HNF4G: variants seen among roughly 807,000 people sequenced by gnomAD.
HNF4G encodes the protein hepatocyte nuclear factor 4-gamma.
Under a neutral mutation model 50.9 loss-of-function variants are expected in HNF4G, and 21 were observed. The ratio of observed to expected loss-of-function variants is 0.41; its 90% CI spans 0.29 to 0.59. The LOEUF (loss-of-function observed/expected upper bound fraction) is 0.59, where lower values mean the gene tolerates loss of function less well. Ranked by LOEUF, HNF4G falls within the 20% of genes least tolerant of loss-of-function variation. HNF4G has a pLI of 0.26. For synonymous variants in HNF4G, 198 were observed against 185.6 expected (o/e 1.07, Z -0.54); for missense variants, 527 against 559.4 (o/e 0.94, Z 0.58).
At chr8:75,425,862 A>T (rs532696488) in intron 1 of HNF4G, among the ~76,000 whole-genome samples, 2 of 152,088 alleles carry the variant, frequency 1.3e-5, no homozygotes, top group Non-Finnish European at 2.9e-5. Flanking sequence ...CATAGTTTAC[A>T]TGTCTTTTAC....
chr8:75,544,623 C>T (rs543916677), intron 2 of HNF4G, among the ~76,000 whole-genome samples: 220 of 144,884 alleles, frequency 1.5e-3, no homozygotes, highest in African/African-American at 5.5e-3. Context: ...ATATTTGTCA[C>T]GCATTTCCAG....
intron 2 of HNF4G, among the ~76,000 whole-genome samples, chr8:75,506,896 C>T (rs554452393): frequency 1.3e-5 from 2 of 152,118 alleles, no homozygotes; most frequent in African/African-American, 4.8e-5. Flanking sequence ...GCTTTTTATG[C>T]AGTGGCTGAA....
intron 2 of HNF4G, among the ~76,000 whole-genome samples, chr8:75,502,111 A>T (rs1175731012): frequency 2.0e-5 from 3 of 152,120 alleles, no homozygotes; most frequent in African/African-American, 7.2e-5. Flanking sequence ...TCGGCCTCCC[A>T]AAGTGTTGGG....
At position 75,559,034 on chromosome 8, in the gene HNF4G, G is replaced by A. The variant is rs915083791; in HGVS notation, c.1120G>A (p.Gly374Ser). ...IDNLLQEMLL[G>S]GASNDGSHLH... ...CAATCTACTTCAGGAAATGCTATTA[G>A]GTGGTGAGTACATTGAATAATTTCT... The change falls in exon 8 of 10, where the codon GGT becomes AGT. Residue 374 changes from glycine to serine, a missense_variant. Transcript: ENST00000396423. 1 of 1,486,118 alleles carries A rather than the reference G, an allele frequency of 6.7e-7. No homozygotes were observed. The highest frequency in any genetic ancestry group is 9.4e-7 in the Non-Finnish European group (1 of 1,063,424). The allele number at this position is 1,486,118 out of a possible 1,614,324, so 92.1% of individuals were successfully genotyped here. A position where few individuals can be genotyped will look rare whatever the true frequency, so the allele number is the denominator to read the frequency against.
At chr8:75,436,736 T>C (rs1454383664) in intron 1 of HNF4G, among the ~76,000 whole-genome samples, 1 of 152,192 alleles carries the variant, frequency 6.6e-6, no homozygotes, top group East Asian at 1.9e-4. Flanking sequence ...CACTGAAACA[T>C]ATTTAAAGTT....
intron 1 of HNF4G, among the ~76,000 whole-genome samples, chr8:75,474,136 T>G (rs985571962): frequency 1.3e-5 from 2 of 152,112 alleles, no homozygotes; most frequent in Non-Finnish European, 2.9e-5. Flanking sequence ...AGATTCCTTC[T>G]CCCCTGAAAT....
chr8:75,463,452 A>C (rs1474965163), intron 1 of HNF4G, among the ~76,000 whole-genome samples: 2 of 151,540 alleles, frequency 1.3e-5, no homozygotes, highest in African/African-American at 4.8e-5. Context: ...ACAATTGTTG[A>C]CTCCTGATTT....
At chr8:75,453,260 T>C (rs1811630165) in intron 1 of HNF4G, among the ~76,000 whole-genome samples, 1 of 152,208 alleles carries the variant, frequency 6.6e-6, no homozygotes, top group African/African-American at 2.4e-5. Flanking sequence ...GGAGAACTTT[T>C]CTGTCTAGCA....
rs188325169 is a variant in HNF4G at position 75,490,750 on chromosome 8, A to G, written c.-24+542A>G. Among the ~76,000 whole-genome samples the G allele has an allele frequency of 9.8e-5, 15 of 152,344 alleles. No individual in the cohort carries two copies. The East Asian group carries it at 2.1e-3, about 22-fold the overall frequency. ...TTTCTGAAGAATTTTTAAAATGTTCATAATGTAGATAATGAAAACAATATT... is the reference window on the plus strand; with the variant it reads ...TTTCTGAAGAATTTTTAAAATGTTCGTAATGTAGATAATGAAAACAATATT... On this transcript the variant is annotated intron_variant, in intron 2 of 10. Coordinates refer to the HNF4G transcript ENST00000354370.
At position 75,505,523 on chromosome 8, in the gene HNF4G, A is replaced by G. The variant is rs183126066; in HGVS notation, c.-24+15315A>G. ...GGGACCTTAGATCCAGAATGTTTTG[A>G]AACAATATTCACTCACTAAAATATG... On this transcript the variant is annotated intron_variant, in intron 2 of 10. Coordinates refer to the HNF4G transcript ENST00000354370. Among the ~76,000 whole-genome samples, 29 of 152,278 alleles carry G rather than the reference A, an allele frequency of 1.9e-4. No homozygotes were observed. In the East Asian group the frequency reaches 5.2e-3, roughly 27 times the overall value.
chr8:75,524,876 A>G (rs1360670809), intron 2 of HNF4G, among the ~76,000 whole-genome samples: 2 of 152,222 alleles, frequency 1.3e-5, no homozygotes, highest in African/African-American at 2.4e-5. Flanking sequence ...AAGAATAATT[A>G]TGCCAAAATA....
At chr8:75,509,085 T>C (rs1394315504) in intron 2 of HNF4G, among the ~76,000 whole-genome samples, 2 of 152,118 alleles carry the variant, frequency 1.3e-5, no homozygotes, top group Non-Finnish European at 2.9e-5. Flanking sequence ...GACATACCCA[T>C]AGGACTCCAC....
At chr8:75,425,273 G>A (rs911308939) in intron 1 of HNF4G, among the ~76,000 whole-genome samples, 1 of 151,384 alleles carries the variant, frequency 6.6e-6, no homozygotes, top group African/African-American at 2.4e-5. Context: ...CAGTGGAGAC[G>A]GGGTTTCACC....
intron 1 of HNF4G, among the ~76,000 whole-genome samples, chr8:75,416,396 C>T (rs983138348): frequency 1.3e-5 from 2 of 152,104 alleles, no homozygotes; most frequent in East Asian, 3.9e-4. Flanking sequence ...TTTGAACTTA[C>T]TTGGAAGCTT....
chr8:75,493,016 AAT>A lies in HNF4G; in HGVS notation c.-24+2826_-24+2827del, dbSNP rs143195684. On this transcript the variant is annotated intron_variant, in intron 2 of 10. Coordinates refer to the HNF4G transcript ENST00000354370. The stretch of plus-strand genomic sequence containing the variant: ...GGGAACAGAGTTGGAATATGACTGA[AAT>A]ATATATATATATATATACACTCACA... 4.6e-3 allele frequency among the ~76,000 whole-genome samples: 681 copies of A among 147,474 alleles called. 2 individuals are homozygous for A. Among genetic ancestry groups the A allele is most frequent in the African/African-American group, 0.01 (410 of 40,480 alleles).
intron 2 of HNF4G, among the ~76,000 whole-genome samples, chr8:75,511,806 C>G (rs1461424476): frequency 6.6e-6 from 1 of 152,106 alleles, no homozygotes; most frequent in East Asian, 1.9e-4. Flanking sequence ...TCTCGATCTC[C>G]TGACCTCGTG....
At chr8:75,440,994 A>T (rs1811267055) in intron 1 of HNF4G, among the ~76,000 whole-genome samples, 1 of 152,126 alleles carries the variant, frequency 6.6e-6, no homozygotes, top group African/African-American at 2.4e-5. Flanking sequence ...AGCTGGGATT[A>T]CAGGCAGGCA....
At position 75,564,476 on chromosome 8, in the gene HNF4G, G is replaced by A. The variant is rs1381950852; in HGVS notation, c.*380G>A. The A allele has an allele frequency of 6.5e-6, 1 of 154,896 alleles. No homozygotes were observed. Among genetic ancestry groups the A allele is most frequent in the Non-Finnish European group, 1.4e-5 (1 of 69,912 alleles). The allele number at this position is 154,896 out of a possible 1,614,324, so 9.6% of individuals were successfully genotyped here. On this transcript the variant is annotated 3_prime_UTR_variant, in exon 10 of 10. Coordinates refer to ENST00000396423, the MANE Select transcript of HNF4G (RefSeq NM_004133.5). The stretch of plus-strand genomic sequence containing the variant: ...AAGTGTTCGTTTTTGACTGAAAATA[G>A]TAGATCAGAAATCTCAGTTTAATAT...
At chr8:75,550,195 G>A (rs963876363) in intron 3 of HNF4G, among the ~76,000 whole-genome samples, 8 of 152,084 alleles carry the variant, frequency 5.3e-5, no homozygotes, top group African/African-American at 1.7e-4. Flanking sequence ...AGCCTTAACC[G>A]AAATAATTTA....
Sources: allele counts gnomAD v4.1 joint callset (sites outside exome capture counted in the v4.1 genomes callset), GRCh38; gene constraint gnomAD v4.1.1; transcripts MANE v1.5; gene names NCBI Gene and HGNC (gene_info 2026-07-23, HGNC 2026-07-21).